ARFGEF3: variants seen among roughly 807,000 people sequenced by gnomAD.
The protein encoded by ARFGEF3 is ARFGEF family member 3.
ARFGEF3 carries 96 observed loss-of-function variants against 221.7 expected under a neutral mutation model. That is an observed-to-expected ratio of 0.43 (90% confidence interval 0.37 to 0.51). The LOEUF (loss-of-function observed/expected upper bound fraction) is 0.51. ARFGEF3 is among the 20% of genes least tolerant of loss of function. The pLI is 0.00. For synonymous variants in ARFGEF3, 1,145 were observed against 1,126.8 expected, an observed-to-expected ratio of 1.02 and a Z score of -0.32; for missense variants, 2,410 against 2,789.9, an observed-to-expected ratio of 0.86 and a Z score of 3.07.
At chr6:138,217,953 T>C in intron 4 of ARFGEF3, 1 of 1,551,418 alleles carries the variant, frequency 6.4e-7, no homozygotes, top group Non-Finnish European at 8.7e-7. Context: ...ACCATTTTTA[T>C]TTTTCTGGAA....
In ARFGEF3 at chr6:138,255,570, G is replaced by C; in HGVS notation, c.905G>C (p.Gly302Ala). The C allele has an allele frequency of 6.2e-7, 1 of 1,613,990 alleles. No individual in the cohort carries two copies. Among genetic ancestry groups the C allele is most frequent in the Admixed American group, 1.7e-5 (1 of 60,028 alleles). ...GCGTCTCCGGGAGTGTCTGACCACG[G>C]CCGAGGATCAGGCTGCTCCTGCACT... ...DSASPGVSDHGRGSGCSCTAP... is the reference protein window; with the variant it reads ...DSASPGVSDHARGSGCSCTAP... The change falls in exon 10 of 34, where the codon GGC (glycine) becomes GCC (alanine). Residue 302 changes from glycine (G) to alanine (A), a missense_variant. Physicochemically the swap from Gly to Ala is moderately conservative, Grantham distance 60. Transcript: ENST00000251691.
chr6:138,264,985 G>C (rs1307302263), intron 12 of ARFGEF3, among the ~76,000 whole-genome samples: 2 of 149,252 alleles, frequency 1.3e-5, no homozygotes, highest in Non-Finnish European at 3.0e-5. Flanking sequence ...CTCACTGCAA[G>C]CTCCGCCTCC....
intron 2 of ARFGEF3, among the ~76,000 whole-genome samples, chr6:138,195,417 G>A (rs1011188305): frequency 6.6e-6 from 1 of 152,070 alleles, no homozygotes; most frequent in African/African-American, 2.4e-5. Flanking sequence ...CAAAGTGTTG[G>A]GGGAAAGTTC....
intron 14 of ARFGEF3, among the ~76,000 whole-genome samples, chr6:138,284,515 A>G (rs150760009): frequency 2.0e-4 from 30 of 152,326 alleles, no homozygotes; most frequent in African/African-American, 7.0e-4. Context: ...TTCAGAGCCA[A>G]GACTAAAGCT....
intron 20 of ARFGEF3, among the ~76,000 whole-genome samples, chr6:138,296,122 C>A (rs148836906): frequency 0.012 from 1,873 of 152,186 alleles, 22 homozygotes; most frequent in South Asian, 0.049. Flanking sequence ...GAGAGCCCCG[C>A]CCTCTTGGCA....
At chr6:138,181,020 T>G (rs1488889141) in intron 2 of ARFGEF3, among the ~76,000 whole-genome samples, 3 of 152,216 alleles carry the variant, frequency 2.0e-5, no homozygotes, top group African/African-American at 7.2e-5. Flanking sequence ...TTCTATTTCC[T>G]AACTTACAAC....
chr6:138,259,971 G>T (rs1778756977), intron 10 of ARFGEF3, among the ~76,000 whole-genome samples: 2 of 152,164 alleles, frequency 1.3e-5, no homozygotes, highest in African/African-American at 4.8e-5. Flanking sequence ...TACCAGTGAA[G>T]CTGAATTTTA....
rs1779465794 is a variant in ARFGEF3 at position 138,294,170 on chromosome 6, G to A, written c.3502+44G>A. On this transcript the variant is annotated intron_variant, in intron 20 of 33. Transcript: ENST00000251691. ...AAACCATATGCCAGGAAGTTAGCAG[G>A]AAACAGCCCAGGCCTCTATCACCAG... The A allele has an allele frequency of 2.5e-6, 4 of 1,601,270 alleles. No homozygotes were observed. The African/African-American group carries it at 5.4e-5, about 21-fold the overall frequency.
At chr6:138,277,264 T>C (rs571813471) in intron 12 of ARFGEF3, among the ~76,000 whole-genome samples, 2 of 152,360 alleles carry the variant, frequency 1.3e-5, no homozygotes, top group South Asian at 4.1e-4. Flanking sequence ...GCATAATGTT[T>C]TCAAGGCGCC....
At chr6:138,182,885 A>C (rs2114451521) in intron 2 of ARFGEF3, among the ~76,000 whole-genome samples, 1 of 152,328 alleles carries the variant, frequency 6.6e-6, no homozygotes, top group Admixed American at 6.5e-5. Flanking sequence ...TTTAAGTGAG[A>C]GCAGACCTAT....
In ARFGEF3 at chr6:138,336,342, CCCAGA is replaced by C; in HGVS notation, c.6398_6402del (p.Gln2133LeufsTer40). 1 of 1,609,442 alleles carries C rather than the reference CCCAGA, an allele frequency of 6.2e-7. No homozygotes were observed. Among genetic ancestry groups the C allele is most frequent in the Non-Finnish European group, 8.5e-7 (1 of 1,178,044 alleles). On this transcript the variant is annotated frameshift_variant, in exon 34 of 34. Coordinates refer to ENST00000251691, the MANE Select transcript of ARFGEF3 (RefSeq NM_020340.5). LOFTEE classifies it high-confidence loss of function. ...CAGTTCTCAATCAGATTCAGATTCTCCCAGACCAGACCTTCACGGCCCTCCAGCCC... is the reference window on the plus strand; with the variant it reads ...CAGTTCTCAATCAGATTCAGATTCTCCCAGACCTTCACGGCCCTCCAGCCC...
At chr6:138,273,074 C>T (rs1779032858) in intron 12 of ARFGEF3, among the ~76,000 whole-genome samples, 1 of 152,160 alleles carries the variant, frequency 6.6e-6, no homozygotes, top group African/African-American at 2.4e-5. Context: ...TATCGAGACA[C>T]ATCTAACACA....
chr6:138,210,372 A>G (rs1777702427), intron 4 of ARFGEF3, among the ~76,000 whole-genome samples: 1 of 152,176 alleles, frequency 6.6e-6, no homozygotes, highest in Non-Finnish European at 1.5e-5. Context: ...CTGCTCGCAT[A>G]TGTTAAAACA....
chr6:138,292,085 G>A, intron 19 of ARFGEF3, 32 bp downstream of exon 19: 2 of 1,378,620 alleles, frequency 1.5e-6, no homozygotes, highest in South Asian at 1.6e-5. Context: ...CGCCCCGGGA[G>A]CCTGCTTACC....
At chr6:138,332,279 C>G (rs982672047) in intron 32 of ARFGEF3, among the ~76,000 whole-genome samples, 1 of 151,804 alleles carries the variant, frequency 6.6e-6, no homozygotes, top group Non-Finnish European at 1.5e-5. Context: ...GCAGTCAGAG[C>G]CAGCCTGCTT....
intron 14 of ARFGEF3, among the ~76,000 whole-genome samples, chr6:138,280,538 G>A (rs1779180297): frequency 6.6e-6 from 1 of 152,206 alleles, no homozygotes; most frequent in Admixed American, 6.5e-5. Context: ...ACCAATAAAT[G>A]TAAAATGACT....
intron 18 of ARFGEF3, among the ~76,000 whole-genome samples, chr6:138,290,565 C>T (rs977456839): frequency 2.0e-5 from 3 of 152,200 alleles, no homozygotes; most frequent in Non-Finnish European, 4.4e-5. Context: ...AAGATGAAAA[C>T]CAGCAATAGC....
intron 4 of ARFGEF3, among the ~76,000 whole-genome samples, chr6:138,229,221 C>A (rs899521602): frequency 5.9e-5 from 9 of 152,194 alleles, no homozygotes; most frequent in Non-Finnish European, 1.2e-4. Flanking sequence ...GAAAATGACA[C>A]TGACATTTGA....
intron 2 of ARFGEF3, among the ~76,000 whole-genome samples, chr6:138,189,637 C>A (rs536094900): frequency 1.1e-4 from 17 of 152,184 alleles, no homozygotes; most frequent in African/African-American, 4.1e-4. Context: ...ATTTTAAGGC[C>A]ATTAAAATTC....
Sources: gnomAD v4.1 joint callset for allele counts (sites outside exome capture counted in the v4.1 genomes callset) on GRCh38, gnomAD v4.1.1 for gene constraint, MANE v1.5 for transcripts, NCBI Gene and HGNC (gene_info 2026-07-23, HGNC 2026-07-21) for gene names.